Variants in FAM171A1 observed in about 807,000 individuals in gnomAD.
The protein encoded by FAM171A1 is family with sequence similarity 171 member A1.
In FAM171A1, 23 loss-of-function variants were observed where a neutral mutation model predicts 74.9. That is an observed-to-expected ratio of 0.31 (90% CI 0.22 to 0.44). The LOEUF (loss-of-function observed/expected upper bound fraction) is 0.44. FAM171A1 is among the 20% of genes least tolerant of loss of function. The pLI is 1.00. For missense variants in FAM171A1, 1,162 were observed against 1,159.2 expected, an observed-to-expected ratio of 1.00 and a Z score of -0.03; for synonymous variants, 527 against 505.7, an observed-to-expected ratio of 1.04 and a Z score of -0.57.
chr10:15,265,709 G>T (rs1027146863), intron 3 of FAM171A1, among the ~76,000 whole-genome samples: 1 of 151,550 alleles, frequency 6.6e-6, no homozygotes, highest in Non-Finnish European at 1.5e-5. Flanking sequence ...TACTCATTGG[G>T]TGTCTACCAT....
upstream of FAM171A1, among the ~76,000 whole-genome samples, chr10:15,374,311 G>C (rs1564295841): frequency 6.6e-6 from 1 of 152,170 alleles, no homozygotes; most frequent in Non-Finnish European, 1.5e-5. Context: ...CAGTCTCAAA[G>C]CCAAAAACAG....
chr10:15,263,733 A>ATCTATCTATCTGTCTG (rs1357362936), intron 3 of FAM171A1, among the ~76,000 whole-genome samples: 7 of 131,744 alleles, frequency 5.3e-5, no homozygotes, highest in African/African-American at 1.7e-4. Context: ...CTATCTATCT[A>ATCTATCTATCTGTCTG]TCTGTCTGTC....
At chr10:15,298,666 AC>A (rs1229450450) in intron 1 of FAM171A1, among the ~76,000 whole-genome samples, 4 of 152,220 alleles carry the variant, frequency 2.6e-5, no homozygotes, top group African/African-American at 9.6e-5. Context: ...ACTTTTAAGA[AC>A]TTTTCCATAA....
At chr10:15,265,338 G>T (rs905549355) in intron 3 of FAM171A1, among the ~76,000 whole-genome samples, 7 of 151,870 alleles carry the variant, frequency 4.6e-5, no homozygotes, top group South Asian at 2.1e-4. Context: ...AGTGGGTTGG[G>T]TGTGGCTGCC....
chr10:15,362,261 T>G (rs1015571210), intron 1 of FAM171A1, among the ~76,000 whole-genome samples: 7 of 152,254 alleles, frequency 4.6e-5, no homozygotes, highest in Admixed American at 1.3e-4. Flanking sequence ...TTGTCCAGGC[T>G]GTGCTGTAGC....
At position 15,323,389 on chromosome 10, in the gene FAM171A1, G is replaced by T. The variant is rs570806581; in HGVS notation, c.98-39284C>A. 5.9e-5 allele frequency among the ~76,000 whole-genome samples: 9 copies of T among 152,254 alleles called. No individual in the cohort carries two copies. The East Asian group carries it at 1.5e-3, about 26-fold the overall frequency. On this transcript the variant is annotated intron_variant, in intron 1 of 7. Coordinates refer to ENST00000378116, the MANE Select transcript of FAM171A1 (RefSeq NM_001010924.2). ...AATTGCTTGAACCCGGGAGGCAGGG[G>T]TTGCAGTGAGCAGAGATCACGCCAT...
intron 1 of FAM171A1, among the ~76,000 whole-genome samples, chr10:15,306,771 T>C (rs1456543508): frequency 6.6e-6 from 1 of 152,192 alleles, no homozygotes; most frequent in East Asian, 1.9e-4. Flanking sequence ...GAAAGCCACA[T>C]CTTAAGTACA....
At chr10:15,238,092 A>T (rs1834317217) in intron 5 of FAM171A1, among the ~76,000 whole-genome samples, 1 of 152,236 alleles carries the variant, frequency 6.6e-6, no homozygotes, top group Non-Finnish European at 1.5e-5. Flanking sequence ...CAGACTTGGT[A>T]AAGAAATGAA....
chr10:15,253,238 A>C (rs1384769633), intron 4 of FAM171A1, among the ~76,000 whole-genome samples: 4 of 152,134 alleles, frequency 2.6e-5, no homozygotes, highest in Admixed American at 6.5e-5. Flanking sequence ...TTCTGACCTC[A>C]AATGATCCAC....
intron 3 of FAM171A1, among the ~76,000 whole-genome samples, chr10:15,262,876 G>A (rs1417017527): frequency 6.6e-6 from 1 of 152,196 alleles, no homozygotes; most frequent in Non-Finnish European, 1.5e-5. Context: ...ACACTGCCAT[G>A]TCCTCTTCGG....
intron 3 of FAM171A1, among the ~76,000 whole-genome samples, chr10:15,255,798 C>T (rs1834573104): frequency 6.6e-6 from 1 of 152,002 alleles, no homozygotes; most frequent in Non-Finnish European, 1.5e-5. Flanking sequence ...CAGGTGCCCG[C>T]CACCACACCC....
intron 1 of FAM171A1, among the ~76,000 whole-genome samples, chr10:15,325,493 G>A (rs1361277773): frequency 6.6e-6 from 1 of 152,136 alleles, no homozygotes; most frequent in Non-Finnish European, 1.5e-5. Flanking sequence ...GAGCGACAGA[G>A]TGATACTCCA....
At chr10:15,300,121 G>A (rs1054230156) in intron 1 of FAM171A1, among the ~76,000 whole-genome samples, 4 of 152,106 alleles carry the variant, frequency 2.6e-5, no homozygotes, top group Non-Finnish European at 4.4e-5. Context: ...TAGTCAGTGC[G>A]GTGCTTAAAT....
intron 3 of FAM171A1, among the ~76,000 whole-genome samples, chr10:15,262,489 C>T (rs887846896): frequency 1.3e-5 from 2 of 152,032 alleles, no homozygotes; most frequent in South Asian, 2.1e-4. Context: ...AAGGCAGAAC[C>T]GGGTAGGGTG....
At chr10:15,370,351 A>C (rs1836124053) in intron 1 of FAM171A1, among the ~76,000 whole-genome samples, 1 of 150,158 alleles carries the variant, frequency 6.7e-6, no homozygotes, top group African/African-American at 2.5e-5. Context: ...GGTCTGGAAG[A>C]GACGTCAGAT....
intron 1 of FAM171A1, among the ~76,000 whole-genome samples, chr10:15,331,412 T>C (rs1835629551): frequency 6.6e-6 from 1 of 152,102 alleles, no homozygotes; most frequent in African/African-American, 2.4e-5. Context: ...CCATACTACC[T>C]GGCCTCTCCT....
chr10:15,305,762 G>C (rs903966517), intron 1 of FAM171A1, among the ~76,000 whole-genome samples: 1 of 151,478 alleles, frequency 6.6e-6, no homozygotes, highest in African/African-American at 2.4e-5. Flanking sequence ...GCAGGGAAGT[G>C]GTTAATTGTA....
intron 1 of FAM171A1, among the ~76,000 whole-genome samples, chr10:15,335,887 A>C (rs1022901223): frequency 6.6e-6 from 1 of 152,158 alleles, no homozygotes; most frequent in Non-Finnish European, 1.5e-5. Context: ...TAAGATTGAT[A>C]ATAAAGATGA....
intron 6 of FAM171A1, among the ~76,000 whole-genome samples, chr10:15,219,763 G>A (rs1159671041): frequency 6.6e-6 from 1 of 152,124 alleles, no homozygotes; most frequent in Non-Finnish European, 1.5e-5. Context: ...TGTATTTTGA[G>A]TAGAGACGGG....
Sources: allele counts gnomAD v4.1 joint callset (sites outside exome capture counted in the v4.1 genomes callset), GRCh38; gene constraint gnomAD v4.1.1; transcripts MANE v1.5; gene names NCBI Gene and HGNC (gene_info 2026-07-23, HGNC 2026-07-21).